OSBPL9: variants seen among roughly 807,000 people sequenced by gnomAD.
OSBPL9 encodes the protein oxysterol-binding protein-related protein 9.
A neutral mutation model predicts 106.6 loss-of-function variants in OSBPL9; 40 were observed. The observed-to-expected ratio is 0.38, with a 90% confidence interval of 0.29 to 0.49. The LOEUF (loss-of-function observed/expected upper bound fraction) is 0.49. Ranked by LOEUF, OSBPL9 falls within the 20% of genes least tolerant of loss-of-function variation. The pLI, the probability that OSBPL9 is intolerant of heterozygous loss-of-function variation, is 0.97. For synonymous variants in OSBPL9, 269 were observed against 295.4 expected (o/e 0.91, Z 0.92); for missense variants, 609 against 887.2 (o/e 0.69, Z 3.98).
Position 51,651,988 on chromosome 1 carries a change from T to C in OSBPL9, c.112-3T>C, listed in dbSNP as rs1201875784. The C allele has an allele frequency of 6.2e-7, 1 of 1,605,522 alleles. No individual in the cohort carries two copies. The highest frequency in any genetic ancestry group is 1.3e-5 in the African/African-American group (1 of 74,586). Reference sequence around the variant, plus strand: ...TTCATTGAATGCTTTGTTTTTCTTTTAGTCCAAGGACAAAATGATGAGAGG... The same window carrying C: ...TTCATTGAATGCTTTGTTTTTCTTTCAGTCCAAGGACAAAATGATGAGAGG... On this transcript the variant is annotated splice_region_variant and splice_polypyrimidine_tract_variant and intron_variant, in intron 1 of 23. Transcript: ENST00000428468.
chr1:51,648,040 G>A (rs1289752443), intron 1 of OSBPL9, among the ~76,000 whole-genome samples: 1 of 152,150 alleles, frequency 6.6e-6, no homozygotes, highest in Admixed American at 6.5e-5. Context: ...TAAGGTACCG[G>A]GCCTTGTAGC....
chr1:51,678,080 A>G (rs888226832), intron 3 of OSBPL9, among the ~76,000 whole-genome samples: 14 of 152,030 alleles, frequency 9.2e-5, no homozygotes, highest in Non-Finnish European at 1.3e-4. Context: ...CTACTCTGAA[A>G]GCTGAGGCAG....
chr1:51,582,284 AG>A (rs1645225322), intron 1 of OSBPL9, among the ~76,000 whole-genome samples: 1 of 152,124 alleles, frequency 6.6e-6, no homozygotes, highest in African/African-American at 2.4e-5. Flanking sequence ...AATTACCAAA[AG>A]GAAGTGGTCA....
intron 12 of OSBPL9, among the ~76,000 whole-genome samples, chr1:51,768,091 G>A (rs1392668188): frequency 3.3e-5 from 5 of 151,130 alleles, no homozygotes; most frequent in Admixed American, 6.6e-5. Flanking sequence ...ACAGGCGCCC[G>A]CCACCACGCC....
the OSBPL9 span, among the ~76,000 whole-genome samples, chr1:51,539,339 A>G: frequency 6.6e-6 from 1 of 152,104 alleles, no homozygotes; most frequent in Non-Finnish European, 1.5e-5. Flanking sequence ...TGTCCAGTCC[A>G]TCTGCAAAAT....
intron 3 of OSBPL9, among the ~76,000 whole-genome samples, chr1:51,691,195 C>T (rs993310657): frequency 1.3e-5 from 2 of 151,624 alleles, no homozygotes; most frequent in African/African-American, 4.9e-5. Flanking sequence ...TTTATAAACA[C>T]TGTACACTTA....
In OSBPL9 at chr1:51,772,697, G is replaced by A; in HGVS notation, c.1144G>A (p.Val382Ile). The A allele has an allele frequency of 2.5e-6, 4 of 1,614,174 alleles. No individual in the cohort carries two copies. The highest frequency in any genetic ancestry group is 3.4e-6 in the Non-Finnish European group (4 of 1,180,024). ...KSVIMHLLSQ[V>I]RLGMDLTKVV... ...CGTTATCATGCATCTCTTGTCGCAGGTTAGACTTGGAATGGATCTTACTAA... is the reference window on the plus strand; with the variant it reads ...CGTTATCATGCATCTCTTGTCGCAGATTAGACTTGGAATGGATCTTACTAA... The change falls in exon 14 of 24, where the codon GTT (valine) becomes ATT (isoleucine). Residue 382 changes from valine (V) to isoleucine (I), a missense_variant. Transcript: ENST00000428468.
chr1:51,749,391 C>T (rs1668749313), intron 7 of OSBPL9: 2 of 225,790 alleles, frequency 8.9e-6, no homozygotes, highest in African/African-American at 2.2e-5. Flanking sequence ...TAGCTCACTG[C>T]AGCTTCGAAC....
At chr1:51,619,833 C>T (rs1644318054) in intron 1 of OSBPL9, among the ~76,000 whole-genome samples, 1 of 152,128 alleles carries the variant, frequency 6.6e-6, no homozygotes, top group Non-Finnish European at 1.5e-5. Context: ...TTGCATGTGG[C>T]TAATAACTTG....
upstream of OSBPL9, chr1:51,614,512 C>A (rs867841931): frequency 1.3e-5 from 2 of 152,014 alleles, no homozygotes; most frequent in African/African-American, 4.8e-5. Flanking sequence ...ACTATGTTGC[C>A]CAGGCTGGTC....
At chr1:51,668,105 G>T (rs1346717917) in intron 2 of OSBPL9, among the ~76,000 whole-genome samples, 3 of 152,094 alleles carry the variant, frequency 2.0e-5, no homozygotes, top group Admixed American at 6.6e-5. Context: ...GTCCCCTTGA[G>T]TCATTTCAAC....
At chr1:51,677,904 C>T (rs933290678) in intron 3 of OSBPL9, among the ~76,000 whole-genome samples, 25 of 151,690 alleles carry the variant, frequency 1.6e-4, no homozygotes, top group South Asian at 2.1e-4. Flanking sequence ...CTGGGCACAG[C>T]GGCTCACACC....
At chr1:51,616,146 A>G (rs141929415), upstream of OSBPL9, among the ~76,000 whole-genome samples, 1,864 of 151,486 alleles carry the variant, frequency 0.012, 39 homozygotes, top group African/African-American at 0.044. Flanking sequence ...CACCACGCCC[A>G]GATAATTTTT....
rs541979584 is a variant in OSBPL9, at chr1:51,625,673, G to A, written c.111+8452G>A. Among the ~76,000 whole-genome samples, 5 of 151,990 alleles carry A rather than the reference G, an allele frequency of 3.3e-5. No individual in the cohort carries two copies. The East Asian group carries it at 7.7e-4, about 24-fold the overall frequency. ...TGAGTAGCTGGGACCATAGGCATGC[G>A]CCACCACACTGGCTAACTTTTTGTA... is the stretch of plus-strand genomic sequence containing the variant. On this transcript the variant is annotated intron_variant, in intron 1 of 23. Coordinates refer to ENST00000428468, the MANE Select transcript of OSBPL9 (RefSeq NM_024586.6).
At chr1:51,618,276 C>G (rs2148615754) in intron 1 of OSBPL9, among the ~76,000 whole-genome samples, 1 of 152,236 alleles carries the variant, frequency 6.6e-6, no homozygotes, top group Admixed American at 6.5e-5. Flanking sequence ...GCCTCGGCCT[C>G]CCAAAGTACT....
At chr1:51,578,933 G>A (rs1050652827) in intron 1 of OSBPL9, among the ~76,000 whole-genome samples, 1 of 152,142 alleles carries the variant, frequency 6.6e-6, no homozygotes, top group Non-Finnish European at 1.5e-5. Flanking sequence ...TTCAGAGAAG[G>A]CATGCCTGAA....
At chr1:51,615,254 A>T (rs1426026711), upstream of OSBPL9, among the ~76,000 whole-genome samples, 2 of 151,882 alleles carry the variant, frequency 1.3e-5, no homozygotes, top group Non-Finnish European at 2.9e-5. Flanking sequence ...CTCCATCTCA[A>T]AAAAACAAAA....
the OSBPL9 span, among the ~76,000 whole-genome samples, chr1:51,520,317 T>C: frequency 6.6e-6 from 1 of 152,212 alleles, no homozygotes; most frequent in African/African-American, 2.4e-5. Flanking sequence ...CAACCTTCAG[T>C]TGGAATACCC....
At chr1:51,758,727 G>A (rs1670891250) in intron 9 of OSBPL9, among the ~76,000 whole-genome samples, 1 of 152,176 alleles carries the variant, frequency 6.6e-6, no homozygotes, top group Non-Finnish European at 1.5e-5. Flanking sequence ...ATTCCCTTCA[G>A]TGGGAGGGGT....
Sources: allele counts gnomAD v4.1 joint callset (sites outside exome capture counted in the v4.1 genomes callset), GRCh38; gene constraint gnomAD v4.1.1; transcripts MANE v1.5; gene names NCBI Gene and HGNC (gene_info 2026-07-23, HGNC 2026-07-21).